The following DAB1 variants were observed in gnomAD, a reference collection of about 807,000 sequenced individuals.
DAB1 encodes DAB adaptor protein 1, also known as disabled homolog 1.
DAB1 carries 15 observed loss-of-function variants against 64.6 expected under a neutral mutation model. The ratio of observed to expected loss-of-function variants is 0.23; its 90% CI spans 0.16 to 0.36. DAB1 has a LOEUF of 0.36. DAB1 is among the 10% of genes least tolerant of loss of function. The pLI, the probability that DAB1 is intolerant of heterozygous loss-of-function variation, is 1.00. For missense variants in DAB1, 596 were observed against 706.7 expected (o/e 0.84, Z 1.78); for synonymous variants, 235 against 251.9 (o/e 0.93, Z 0.64).
chr1:57,676,135 G>A (rs1224129005), intron 6 of DAB1, among the ~76,000 whole-genome samples: 1 of 152,176 alleles, frequency 6.6e-6, no homozygotes, highest in Non-Finnish European at 1.5e-5. Context: ...AGCAACATAG[G>A]GCAGGGAGGC....
chr1:57,687,242 C>T (rs1189918804), intron 6 of DAB1, among the ~76,000 whole-genome samples: 3 of 152,062 alleles, frequency 2.0e-5, no homozygotes, highest in Non-Finnish European at 2.9e-5. Context: ...CATTTCTATA[C>T]ACCAGTAACA....
intron 5 of DAB1, among the ~76,000 whole-genome samples, chr1:58,118,431 T>C (rs1423289709): frequency 2.7e-5 from 3 of 112,578 alleles, no homozygotes; most frequent in Admixed American, 1.1e-4. Flanking sequence ...ATAATACTTA[T>C]AGGAGATAAC....
At chr1:57,333,062 T>C (rs1676806931) in intron 1 of DAB1, among the ~76,000 whole-genome samples, 1 of 152,256 alleles carries the variant, frequency 6.6e-6, no homozygotes, top group African/African-American at 2.4e-5. Context: ...AGTACACTAG[T>C]AATGGACTTG....
intron 6 of DAB1, among the ~76,000 whole-genome samples, chr1:57,773,361 A>ACT (rs1553127675): frequency 6.6e-6 from 1 of 151,680 alleles, no homozygotes; most frequent in Non-Finnish European, 1.5e-5. Flanking sequence ...ACACACACAC[A>ACT]CACACACACA....
chr1:58,399,447 A>G (rs1005517337), intron 3 of DAB1, among the ~76,000 whole-genome samples: 2 of 152,204 alleles, frequency 1.3e-5, no homozygotes, highest in Non-Finnish European at 1.5e-5. Flanking sequence ...GCTGAAGTCT[A>G]TGTGCTTGCA....
chr1:57,317,646 C>T (rs1004366122), intron 1 of DAB1, among the ~76,000 whole-genome samples: 3 of 152,070 alleles, frequency 2.0e-5, no homozygotes, highest in African/African-American at 7.2e-5. Flanking sequence ...CAAAGAGTAG[C>T]CTTTGAAACA....
chr1:58,452,540 T>C (rs1264746106), intron 3 of DAB1, among the ~76,000 whole-genome samples: 1 of 151,334 alleles, frequency 6.6e-6, no homozygotes, highest in Non-Finnish European at 1.5e-5. Context: ...CCAGGCGCAG[T>C]GGCTCACGCC....
intron 4 of DAB1, among the ~76,000 whole-genome samples, chr1:58,202,700 G>A (rs1341291656): frequency 3.9e-5 from 6 of 152,182 alleles, no homozygotes; most frequent in African/African-American, 1.4e-4. Flanking sequence ...ATTTGTACAA[G>A]CTAATTATAC....
intron 7 of DAB1, among the ~76,000 whole-genome samples, chr1:57,438,444 T>C (rs529680679): frequency 5.4e-4 from 82 of 152,126 alleles, no homozygotes; most frequent in Non-Finnish European, 1.1e-3. Flanking sequence ...GAACTTCATC[T>C]TCCTTGGGTG....
At chr1:58,429,239 A>T (rs1303920118) in intron 3 of DAB1, among the ~76,000 whole-genome samples, 1 of 152,186 alleles carries the variant, frequency 6.6e-6, no homozygotes, top group African/African-American at 2.4e-5. Flanking sequence ...TCTAAAAAAA[A>T]TTGTTTGTAA....
chr1:57,975,632 C>T (rs998639847), intron 5 of DAB1, among the ~76,000 whole-genome samples: 2 of 152,150 alleles, frequency 1.3e-5, no homozygotes, highest in Non-Finnish European at 2.9e-5. Context: ...AGTTTGACTA[C>T]TTATCATGTC....
chr1:58,133,611 T>A (rs1218925776), intron 5 of DAB1, among the ~76,000 whole-genome samples: 2 of 152,230 alleles, frequency 1.3e-5, no homozygotes, highest in African/African-American at 4.8e-5. Flanking sequence ...TAGCAATTGA[T>A]CAATAAGTTT....
chr1:57,739,373 A>G (rs1647851629), intron 6 of DAB1, among the ~76,000 whole-genome samples: 4 of 144,322 alleles, frequency 2.8e-5, no homozygotes, highest in African/African-American at 1.0e-4. Context: ...AATAACACTC[A>G]GCTTCCTGAA....
At chr1:57,131,735 A>G (rs575279607) in intron 4 of DAB1, among the ~76,000 whole-genome samples, 2 of 152,304 alleles carry the variant, frequency 1.3e-5, no homozygotes, top group South Asian at 4.1e-4. Context: ...ATTGTATTTA[A>G]AACACAATTA....
chr1:57,301,129 T>TCTTTCAGAA (rs918156782), intron 1 of DAB1, among the ~76,000 whole-genome samples: 3 of 152,082 alleles, frequency 2.0e-5, no homozygotes, highest in African/African-American at 7.2e-5. Flanking sequence ...CATACCCAAC[T>TCTTTCAGAA]CTTTCAGAAC....
chr1:58,508,357 G>A (rs547995209), intron 2 of DAB1, among the ~76,000 whole-genome samples: 7 of 152,182 alleles, frequency 4.6e-5, no homozygotes, highest in East Asian at 1.9e-4. Context: ...AGAATAGGAC[G>A]CCCTAAACCC....
At chr1:57,512,117 A>G (rs1222154754) in intron 7 of DAB1, among the ~76,000 whole-genome samples, 1 of 152,226 alleles carries the variant, frequency 6.6e-6, no homozygotes, top group South Asian at 2.1e-4. Context: ...GTCAGAAAAT[A>G]AGATGAAACT....
intron 4 of DAB1, among the ~76,000 whole-genome samples, chr1:57,106,999 G>A (rs1209331592): frequency 6.6e-6 from 1 of 152,162 alleles, no homozygotes; most frequent in African/African-American, 2.4e-5. Context: ...AACAACTTCA[G>A]GCATCATTGT....
intron 7 of DAB1, among the ~76,000 whole-genome samples, chr1:57,630,387 G>A (rs895271515): frequency 6.6e-6 from 1 of 152,242 alleles, no homozygotes; most frequent in East Asian, 1.9e-4. Context: ...TCTAGTGTTC[G>A]ATAACCCTCA....
Sources: gnomAD v4.1 joint callset for allele counts (sites outside exome capture counted in the v4.1 genomes callset) on GRCh38, gnomAD v4.1.1 for gene constraint, MANE v1.5 for transcripts, NCBI Gene and HGNC (gene_info 2026-07-23, HGNC 2026-07-21) for gene names.